Variants in ZFYVE28 observed in about 807,000 individuals in gnomAD.
ZFYVE28 encodes zinc finger FYVE-type containing 28, also known as lateral signaling target protein 2 homolog.
Under a neutral mutation model 82.1 loss-of-function variants are expected in ZFYVE28, and 40 were observed. The observed-to-expected ratio is 0.49, with a 90% CI of 0.38 to 0.63. The LOEUF (loss-of-function observed/expected upper bound fraction) is 0.63. Ranked by LOEUF, ZFYVE28 falls within the 30% of genes least tolerant of loss-of-function variation. The probability of loss-of-function intolerance (pLI) is 0.00; values close to 1 mark genes in which losing one functional copy is unlikely to be tolerated. For missense variants in ZFYVE28, 1,321 were observed against 1,242.1 expected, an observed-to-expected ratio of 1.06 and a Z score of -0.96; for synonymous variants, 612 against 546.1, an observed-to-expected ratio of 1.12 and a Z score of -1.68.
chr4:2,361,774 G>A (rs146785116), intron 1 of ZFYVE28, among the ~76,000 whole-genome samples: 125 of 152,288 alleles, frequency 8.2e-4, no homozygotes, highest in African/African-American at 3.0e-3. Flanking sequence ...GCCCAGGACT[G>A]GATCCCTTTC....
chr4:2,333,809 CTG>C (rs1450054875), intron 6 of ZFYVE28, among the ~76,000 whole-genome samples: 1 of 152,230 alleles, frequency 6.6e-6, no homozygotes, highest in Non-Finnish European at 1.5e-5. Context: ...AGGATCTTTG[CTG>C]TTCTGTTTTT....
chr4:2,398,272 G>T (rs77942016), intron 1 of ZFYVE28, among the ~76,000 whole-genome samples: 239 of 152,342 alleles, frequency 1.6e-3, no homozygotes, highest in African/African-American at 5.7e-3. Context: ...TGACCCGATG[G>T]GTGGTCATGG....
At chr4:2,391,073 C>T (rs566165878) in intron 1 of ZFYVE28, among the ~76,000 whole-genome samples, 9 of 152,368 alleles carry the variant, frequency 5.9e-5, no homozygotes, top group African/African-American at 2.2e-4. Context: ...CCTGTGGGCA[C>T]GCAGCCTCCC....
At chr4:2,274,814 G>A (rs973374135) in intron 8 of ZFYVE28, among the ~76,000 whole-genome samples, 1 of 152,222 alleles carries the variant, frequency 6.6e-6, no homozygotes, top group Non-Finnish European at 1.5e-5. Context: ...TGACCACGGA[G>A]GCTGAGACCG....
intron 8 of ZFYVE28, among the ~76,000 whole-genome samples, chr4:2,281,983 C>G (rs28714357): frequency 0.054 from 8,195 of 152,280 alleles, 458 homozygotes; most frequent in African/African-American, 0.14. Context: ...AGCCACAGCT[C>G]AAGTCACAGA....
At chr4:2,408,000 C>T (rs1475823729) in intron 1 of ZFYVE28, among the ~76,000 whole-genome samples, 1 of 152,210 alleles carries the variant, frequency 6.6e-6, no homozygotes, top group Non-Finnish European at 1.5e-5. Flanking sequence ...ACTATGAACT[C>T]CACTTCAGAG....
intron 6 of ZFYVE28, chr4:2,330,524 T>G: frequency 8.9e-7 from 1 of 1,121,602 alleles, no homozygotes; most frequent in South Asian, 2.1e-5. Context: ...GAGAGGACAT[T>G]GCAGAGGAAG....
chr4:2,351,506 G>A (rs538845676), intron 2 of ZFYVE28, among the ~76,000 whole-genome samples: 2 of 152,184 alleles, frequency 1.3e-5, no homozygotes, highest in African/African-American at 4.8e-5. Flanking sequence ...TTGAGTTCAG[G>A]AGTTTGAGAC....
At chr4:2,290,173 A>G (rs1394150880) in intron 8 of ZFYVE28, among the ~76,000 whole-genome samples, 1 of 152,116 alleles carries the variant, frequency 6.6e-6, no homozygotes, top group African/African-American at 2.4e-5. Flanking sequence ...TCAGGGGACA[A>G]GGCCGCCCAT....
intron 8 of ZFYVE28, among the ~76,000 whole-genome samples, chr4:2,301,835 C>T (rs1715580314): frequency 6.6e-6 from 1 of 152,238 alleles, no homozygotes; most frequent in Non-Finnish European, 1.5e-5. Context: ...AAAAGGTGCT[C>T]TGCCTCACAC....
intron 8 of ZFYVE28, among the ~76,000 whole-genome samples, chr4:2,298,412 C>T (rs1294203166): frequency 6.6e-6 from 1 of 152,206 alleles, no homozygotes; most frequent in African/African-American, 2.4e-5. Context: ...TGCCTTTCCC[C>T]TCACATCTGC....
chr4:2,291,157 A>G (rs1279039974), intron 8 of ZFYVE28, among the ~76,000 whole-genome samples: 1 of 152,178 alleles, frequency 6.6e-6, no homozygotes, highest in African/African-American at 2.4e-5. Flanking sequence ...ACAACTGGCG[A>G]GTCTCAGAGA....
intron 6 of ZFYVE28, among the ~76,000 whole-genome samples, chr4:2,324,025 T>C (rs1006693282): frequency 6.6e-6 from 1 of 152,118 alleles, no homozygotes; most frequent in Non-Finnish European, 1.5e-5. Context: ...TGATGTCAAA[T>C]CCATTGCAAA....
intron 7 of ZFYVE28, among the ~76,000 whole-genome samples, chr4:2,319,837 G>A (rs538901020): frequency 7.9e-5 from 12 of 151,188 alleles, no homozygotes; most frequent in Middle Eastern, 3.4e-3. Context: ...TGGTGGGGAC[G>A]GTGGGGACGG....
At chr4:2,290,273 AAGCCTG>A (rs1713417150) in intron 8 of ZFYVE28, among the ~76,000 whole-genome samples, 1 of 152,170 alleles carries the variant, frequency 6.6e-6, no homozygotes, top group Non-Finnish European at 1.5e-5. Context: ...GTGTGACCAC[AAGCCTG>A]CCTGCCTTCT....
At chr4:2,404,316 A>AAAAC (rs1272388726) in intron 1 of ZFYVE28, among the ~76,000 whole-genome samples, 20 of 148,960 alleles carry the variant, frequency 1.3e-4, no homozygotes, top group African/African-American at 4.5e-4. Context: ...CCTCAAAAAA[A>AAAAC]AAAAAAAAAA....
At chr4:2,378,708 C>T (rs1433771635) in intron 1 of ZFYVE28, among the ~76,000 whole-genome samples, 3 of 152,154 alleles carry the variant, frequency 2.0e-5, no homozygotes, top group Non-Finnish European at 1.5e-5. Flanking sequence ...TGGATTGAGA[C>T]TAGGTATTGA....
chr4:2,325,505 C>A (rs1719722933), intron 6 of ZFYVE28, among the ~76,000 whole-genome samples: 1 of 151,844 alleles, frequency 6.6e-6, no homozygotes, highest in Admixed American at 6.6e-5. Context: ...TGCAAAAATA[C>A]ATTCATGGCT....
intron 8 of ZFYVE28, among the ~76,000 whole-genome samples, chr4:2,284,338 C>T (rs1185590267): frequency 6.6e-6 from 1 of 152,232 alleles, no homozygotes; most frequent in Non-Finnish European, 1.5e-5. Flanking sequence ...CCTCCAACCT[C>T]AGCCTCCCAA....
Sources: gnomAD v4.1 joint callset for allele counts (sites outside exome capture counted in the v4.1 genomes callset) on GRCh38, gnomAD v4.1.1 for gene constraint, MANE v1.5 for transcripts, NCBI Gene and HGNC (gene_info 2026-07-23, HGNC 2026-07-21) for gene names.